Variants in SLC35F3 observed in about 807,000 individuals in gnomAD.
The protein encoded by SLC35F3 is putative thiamine transporter SLC35F3.
In SLC35F3, 25 loss-of-function variants were observed where a neutral mutation model predicts 49.9. That is an observed-to-expected ratio of 0.50 (90% CI 0.37 to 0.70). The LOEUF is 0.70. Ranked by LOEUF, SLC35F3 falls within the 30% of genes least tolerant of loss-of-function variation. The pLI is 0.00. For synonymous variants in SLC35F3, 275 were observed against 265.4 expected, an observed-to-expected ratio of 1.04 and a Z score of -0.35; for missense variants, 525 against 639.8, an observed-to-expected ratio of 0.82 and a Z score of 1.94.
chr1:233,955,769 T>TTC (rs2102807765), intron 2 of SLC35F3, among the ~76,000 whole-genome samples: 1 of 151,248 alleles, frequency 6.6e-6, no homozygotes, highest in East Asian at 1.9e-4. Context: ...CGAACTGTTT[T>TTC]TTTTTTTTTT....
chr1:234,040,456 G>T lies in SLC35F3; in HGVS notation c.283+134698G>T, dbSNP rs572304020. 1.8e-4 allele frequency among the ~76,000 whole-genome samples: 28 copies of T among 152,304 alleles called. No individual in the cohort carries two copies. In the South Asian group the frequency reaches 5.8e-3, roughly 32 times the overall value. On this transcript the variant is annotated intron_variant, in intron 2 of 7. Transcript: ENST00000366618. Reference sequence around the variant, plus strand: ...TCAGGCTTTTTGACTTGAAGGCCGGGCTTCACCAGGGACCCGCCCCTGTCT... The same window carrying T: ...TCAGGCTTTTTGACTTGAAGGCCGGTCTTCACCAGGGACCCGCCCCTGTCT...
intron 2 of SLC35F3, among the ~76,000 whole-genome samples, chr1:234,134,214 A>T (rs1446971164): frequency 6.6e-6 from 1 of 151,020 alleles, no homozygotes; most frequent in African/African-American, 2.4e-5. Context: ...AAACTGACTA[A>T]GTTTCTGCTC....
chr1:234,150,828 C>G (rs1367734403), intron 2 of SLC35F3, among the ~76,000 whole-genome samples: 1 of 152,242 alleles, frequency 6.6e-6, no homozygotes, highest in Non-Finnish European at 1.5e-5. Context: ...GCCACAGGGC[C>G]TGCCTGGTGT....
intron 2 of SLC35F3, among the ~76,000 whole-genome samples, chr1:234,200,559 CA>C (rs1016957366): frequency 1.3e-5 from 2 of 152,126 alleles, no homozygotes; most frequent in East Asian, 1.9e-4. Flanking sequence ...TCACATTTTC[CA>C]AAAAACTTCC....
intron 2 of SLC35F3, among the ~76,000 whole-genome samples, chr1:234,203,036 T>C (rs1048082179): frequency 1.3e-5 from 2 of 152,172 alleles, no homozygotes; most frequent in Admixed American, 1.3e-4. Flanking sequence ...AGAAAACCAA[T>C]ACTGTCATTA....
intron 2 of SLC35F3, among the ~76,000 whole-genome samples, chr1:234,034,589 C>T (rs565644357): frequency 5.9e-5 from 9 of 152,214 alleles, no homozygotes; most frequent in Non-Finnish European, 1.0e-4. Flanking sequence ...GGCATGATCT[C>T]GGCTCACTGC....
chr1:234,227,594 T>G (rs1226652391), intron 2 of SLC35F3, among the ~76,000 whole-genome samples: 1 of 152,032 alleles, frequency 6.6e-6, no homozygotes, highest in African/African-American at 2.4e-5. Flanking sequence ...GAGACGGGGT[T>G]TCACCATGTT....
intron 2 of SLC35F3, among the ~76,000 whole-genome samples, chr1:234,129,798 A>G (rs1665705360): frequency 6.6e-6 from 1 of 152,226 alleles, no homozygotes; most frequent in Non-Finnish European, 1.5e-5. Flanking sequence ...AAAGGCACCA[A>G]TACAATGCAA....
At chr1:233,912,348 G>C (rs896787691) in intron 2 of SLC35F3, among the ~76,000 whole-genome samples, 2 of 152,012 alleles carry the variant, frequency 1.3e-5, no homozygotes, top group Non-Finnish European at 2.9e-5. Context: ...CATGGTGGTG[G>C]GCACCTGTAA....
chr1:234,309,265 C>T lies in SLC35F3; in HGVS notation c.773C>T (p.Ala258Val). Residue 258 changes from alanine to valine, a missense_variant, in exon 4 of 8, where the codon GCT becomes GTT. Around this residue, in one of 4 missense-constraint regions of SLC35F3, gnomAD observed 216 missense variants for 298.1 expected, o/e 0.72. Transcript: ENST00000366618. ...DVSVLFCCNK[A>V]FVFLLSWIVL... Reference sequence around the variant, plus strand: ...TCCGTGTTGTTCTGCTGCAACAAAGCTTTTGTGTTCTTGCTCTCATGGATC... The same window carrying T: ...TCCGTGTTGTTCTGCTGCAACAAAGTTTTTGTGTTCTTGCTCTCATGGATC... 6.2e-7 allele frequency: 1 copy of T among 1,614,196 alleles called. No individual in the cohort carries two copies. The highest frequency in any genetic ancestry group is 8.5e-7 in the Non-Finnish European group (1 of 1,180,034).
chr1:233,938,754 A>G (rs1280367661), intron 2 of SLC35F3, among the ~76,000 whole-genome samples: 2 of 151,872 alleles, frequency 1.3e-5, no homozygotes, highest in African/African-American at 4.8e-5. Flanking sequence ...GGATGGAAAG[A>G]TGGGTGGATG....
At chr1:234,055,074 T>G (rs1223186435) in intron 2 of SLC35F3, among the ~76,000 whole-genome samples, 1 of 152,198 alleles carries the variant, frequency 6.6e-6, no homozygotes, top group Non-Finnish European at 1.5e-5. Flanking sequence ...GCCTCCCAGT[T>G]AGACTACTCG....
intron 2 of SLC35F3, among the ~76,000 whole-genome samples, chr1:233,917,495 A>T (rs533860070): frequency 2.3e-4 from 35 of 152,152 alleles, no homozygotes; most frequent in African/African-American, 8.4e-4. Flanking sequence ...GACTGGGTTG[A>T]TGAGATCAAG....
At chr1:233,950,437 A>T (rs981268895) in intron 2 of SLC35F3, among the ~76,000 whole-genome samples, 3 of 149,568 alleles carry the variant, frequency 2.0e-5, no homozygotes, top group Non-Finnish European at 3.0e-5. Flanking sequence ...ATGGTCAGCA[A>T]AGAAATGTTT....
At chr1:234,133,457 C>A (rs1261005799) in intron 2 of SLC35F3, among the ~76,000 whole-genome samples, 1 of 152,158 alleles carries the variant, frequency 6.6e-6, no homozygotes, top group Non-Finnish European at 1.5e-5. Context: ...TTCCAGGAGG[C>A]CTGCAGGGTC....
At chr1:234,201,796 T>G (rs1666903075) in intron 2 of SLC35F3, among the ~76,000 whole-genome samples, 1 of 151,970 alleles carries the variant, frequency 6.6e-6, no homozygotes, top group South Asian at 2.1e-4. Flanking sequence ...TTTTCCATCT[T>G]TGTAGTTTTA....
At chr1:234,275,343 A>G (rs1668186840) in intron 3 of SLC35F3, among the ~76,000 whole-genome samples, 2 of 152,202 alleles carry the variant, frequency 1.3e-5, no homozygotes, top group African/African-American at 2.4e-5. Flanking sequence ...CCAAAAAAAA[A>G]AAAATTAGAA....
At chr1:234,303,107 C>T (rs1015706553) in intron 3 of SLC35F3, among the ~76,000 whole-genome samples, 2 of 152,090 alleles carry the variant, frequency 1.3e-5, no homozygotes, top group African/African-American at 2.4e-5. Flanking sequence ...ACCCTTTCTT[C>T]CCCACCCCCA....
chr1:234,318,843 C>T lies in SLC35F3; in HGVS notation c.1047C>T (p.Thr349=). Residue 349 remains threonine (T), a synonymous_variant, in exon 6 of 8, where the codon ACC becomes ACT. Transcript: ENST00000366618. The part of the protein sequence containing the change: ...ILGVFNILFI[T]CIPIILYFTK... ...GTGTGTTTAACATCCTCTTCATCAC[C>T]TGCATTCCTATTATCCTCTACTTTA... The T allele has an allele frequency of 6.2e-7, 1 of 1,614,192 alleles. No homozygotes were observed. The highest frequency in any genetic ancestry group is 1.1e-5 in the South Asian group (1 of 91,088).
Sources: allele counts gnomAD v4.1 joint callset (sites outside exome capture counted in the v4.1 genomes callset), GRCh38; gene constraint gnomAD v4.1.1; regional missense constraint gnomAD v4.1.1; transcripts MANE v1.5; gene names NCBI Gene and HGNC (gene_info 2026-07-23, HGNC 2026-07-21).